Variants in FZR1 observed in about 807,000 individuals in gnomAD.
FZR1 encodes the protein fizzy-related protein homolog.
In FZR1, 11 loss-of-function variants were observed where a neutral mutation model predicts 63.6. The observed-to-expected ratio is 0.17, with a 90% CI of 0.11 to 0.29. The LOEUF is 0.29. FZR1 is among the 10% of genes least tolerant of loss of function. FZR1 has a pLI of 1.00. For synonymous variants in FZR1, 328 were observed against 297.9 expected (o/e 1.10, Z -1.04); for missense variants, 440 against 687.5 (o/e 0.64, Z 4.03).
Position 3,533,454 on chromosome 19 carries a change from G to A in FZR1, c.1347+56G>A, listed in dbSNP as rs2083267781. 2 of 1,059,344 alleles carry A rather than the reference G, an allele frequency of 1.9e-6. No individual in the cohort carries two copies. The highest frequency in any genetic ancestry group is 2.9e-6 in the Non-Finnish European group (2 of 679,656). The allele number at this position is 1,059,344 out of a possible 1,614,324, so 65.6% of individuals were successfully genotyped here. A position where few individuals can be genotyped will look rare whatever the true frequency, so the allele number is the denominator to read the frequency against. ...CCGGGATTCTGGACAAACTGCCATG[G>A]CCACCCCAGAGCACCCTGTCCTGTG... is the stretch of plus-strand genomic sequence containing the variant. On this transcript the variant is annotated intron_variant, in intron 12 of 13. Coordinates refer to ENST00000441788, the MANE Select transcript of FZR1 (RefSeq NM_016263.4). This position sits in a 1 kb window ranked among gnomAD's most constrained non-coding sequence, Gnocchi z 4.9.
At chr19:3,513,604 G>A (rs1480613230) in intron 1 of FZR1, among the ~76,000 whole-genome samples, 1 of 152,224 alleles carries the variant, frequency 6.6e-6, no homozygotes, top group Non-Finnish European at 1.5e-5. Flanking sequence ...AGCTGTGCCA[G>A]CTGGTAGGCA....
At chr19:3,531,114 C>A (rs1308409429) in intron 8 of FZR1, among the ~76,000 whole-genome samples, 1 of 152,144 alleles carries the variant, frequency 6.6e-6, no homozygotes, top group Non-Finnish European at 1.5e-5. Flanking sequence ...TTCCATGGGA[C>A]CTGCCCACCT....
intron 1 of FZR1, among the ~76,000 whole-genome samples, chr19:3,510,054 C>T (rs978004582): frequency 6.6e-6 from 1 of 152,102 alleles, no homozygotes; most frequent in Non-Finnish European, 1.5e-5. Flanking sequence ...TGCCTTCCAA[C>T]CTTTCCACCT....
intron 7 of FZR1, among the ~76,000 whole-genome samples, chr19:3,529,218 T>G (rs938019708): frequency 5.1e-3 from 225 of 44,412 alleles, no homozygotes; most frequent in Middle Eastern, 0.029. Flanking sequence ...GAGTGGATGG[T>G]TGAGCGGATG....
intron 1 of FZR1, among the ~76,000 whole-genome samples, chr19:3,513,188 C>T (rs1301528342): frequency 1.3e-5 from 2 of 152,088 alleles, no homozygotes; most frequent in South Asian, 2.1e-4. Context: ...GCCAGCCCAC[C>T]CCCTGGCTCT....
At chr19:3,531,643 C>T (rs2083248658) in intron 8 of FZR1, 71 bp from the exon 9 acceptor site, 12 of 1,091,560 alleles carry the variant, frequency 1.1e-5, no homozygotes, top group African/African-American at 1.6e-5. Context: ...CCTGGCGCGA[C>T]CAACGCCAGG....
rs758692262 is a variant in FZR1, at chr19:3,534,830, C to T, written c.1476C>T (p.Ile492=). 6.2e-7 allele frequency: 1 copy of T among 1,612,526 alleles called. No individual in the cohort carries two copies. The highest frequency in any genetic ancestry group is 8.5e-7 in the Non-Finnish European group (1 of 1,179,526). Reference sequence around the variant, plus strand: ...CTGTGCTCAACCTCTTCACCAGGATCCGGTAAACCTGCCGGGCAGGACCGT... The same window carrying T: ...CTGTGCTCAACCTCTTCACCAGGATTCGGTAAACCTGCCGGGCAGGACCGT... The part of the protein sequence containing the change: ...SVSVLNLFTR[I]R Residue 492 remains isoleucine (I), a synonymous_variant, in exon 14 of 14, where the codon ATC becomes ATT. Transcript: ENST00000441788.
chr19:3,523,224 C>T (rs527657539), intron 2 of FZR1, among the ~76,000 whole-genome samples, 166 bp downstream of exon 2: 9 of 152,322 alleles, frequency 5.9e-5, no homozygotes, highest in African/African-American at 2.2e-4. Context: ...GTCAGGGTTG[C>T]CGCCACCCCC....
At position 3,534,847 on chromosome 19, in the gene FZR1, C is replaced by A. The variant is rs773665587; in HGVS notation, c.*11C>A. Reference sequence around the variant, plus strand: ...ACCAGGATCCGGTAAACCTGCCGGGCAGGACCGTGCCACACCAGCTGTCCA... The same window carrying A: ...ACCAGGATCCGGTAAACCTGCCGGGAAGGACCGTGCCACACCAGCTGTCCA... On this transcript the variant is annotated 3_prime_UTR_variant, in exon 14 of 14. Coordinates refer to ENST00000441788, the MANE Select transcript of FZR1 (RefSeq NM_016263.4). The A allele has an allele frequency of 7.5e-6, 12 of 1,608,008 alleles. No individual in the cohort carries two copies. Among genetic ancestry groups the A allele is most frequent in the Non-Finnish European group, 1.0e-5 (12 of 1,175,720 alleles).
Position 3,525,699 on chromosome 19 carries a change from C to A in FZR1, c.70-169C>A, listed in dbSNP as rs1007260734. ...CCTCGTGATCCGCCCGCCTCGGCCT[C>A]CCAAAGTGCTGGGATTACGGGCGTG... On this transcript the variant is annotated intron_variant, in intron 2 of 13. Coordinates refer to ENST00000441788, the MANE Select transcript of FZR1 (RefSeq NM_016263.4). This position sits in a 1 kb window ranked among gnomAD's most constrained non-coding sequence, Gnocchi z 4.2. 2.0e-5 allele frequency among the ~76,000 whole-genome samples: 3 copies of A among 152,156 alleles called. No homozygotes were observed. The highest frequency in any genetic ancestry group is 4.4e-5 in the Non-Finnish European group (3 of 68,026).
In FZR1 at chr19:3,526,956, G is replaced by A; in HGVS notation, c.388-24G>A. The A allele has an allele frequency of 1.9e-6, 3 of 1,581,856 alleles. No individual in the cohort carries two copies. The highest frequency in any genetic ancestry group is 1.1e-5 in the South Asian group (1 of 90,544). The stretch of plus-strand genomic sequence containing the variant: ...GTCCTGCGGCCTGGGCGTGCGCTCA[G>A]CTGGCATGTCCCCCGCTCCACAGTA... On this transcript the variant is annotated intron_variant, in intron 5 of 13. Transcript: ENST00000441788. This position sits in a 1 kb window ranked among gnomAD's most constrained non-coding sequence, Gnocchi z 5.4.
chr19:3,509,406 C>T (rs911782206), intron 1 of FZR1, among the ~76,000 whole-genome samples: 3 of 152,258 alleles, frequency 2.0e-5, no homozygotes, highest in Non-Finnish European at 2.9e-5. Context: ...CTTCCTACTC[C>T]GTCTGGTTCT....
intron 1 of FZR1, among the ~76,000 whole-genome samples, chr19:3,520,857 A>G (rs966203647): frequency 1.4e-4 from 22 of 152,208 alleles, no homozygotes; most frequent in African/African-American, 5.1e-4. Flanking sequence ...GTCTGTCCCT[A>G]CCTGGTGACG....
chr19:3,531,659 C>A, intron 8 of FZR1, 55 bp from the exon 9 acceptor site: 1 of 1,296,380 alleles, frequency 7.7e-7, no homozygotes, highest in Non-Finnish European at 1.1e-6. Flanking sequence ...CCAGGACGGG[C>A]ACAGTCCCCG....
At chr19:3,512,452 C>T (rs185907993) in intron 1 of FZR1, among the ~76,000 whole-genome samples, 80 of 152,332 alleles carry the variant, frequency 5.3e-4, no homozygotes, top group African/African-American at 7.0e-4. Flanking sequence ...CCCAAAGCTT[C>T]GTGGCCAGGA....
chr19:3,532,170 T>TGGGCTG, intron 10 of FZR1, 75 bp downstream of exon 10: 1 of 1,376,368 alleles, frequency 7.3e-7, no homozygotes. Context: ...CGGAAGAGCC[T>TGGGCTG]GGGCTGGGGC....
rs1371759175 is a variant in FZR1 at position 3,531,750 on chromosome 19, G to A, written c.757G>A (p.Val253Met). 5.8e-6 allele frequency: 9 copies of A among 1,550,002 alleles called. No individual in the cohort carries two copies. The highest frequency in any genetic ancestry group is 2.7e-5 in the African/African-American group (2 of 73,124). ...LVAVGTHKGF[V>M]QIWDAAAGKK... ...GGCGGTGGGCACACACAAGGGCTTC[G>A]TGCAGATCTGGGACGCAGCCGCAGG... Residue 253 changes from valine (V) to methionine (M), a missense_variant, in exon 9 of 14, where the codon GTG (valine) becomes ATG (methionine). Val to Met is a conservative substitution (Grantham distance 21). Transcript: ENST00000441788.
rs1254552058 is a variant in FZR1 at position 3,526,094 on chromosome 19, CT to C, written c.196-25del. ...CGGGAACAAGCGGGCTCCTCGACCCCTCCCTCTCTGCTCTCCTGCCTGCAGG... is the reference window on the plus strand; with the variant it reads ...CGGGAACAAGCGGGCTCCTCGACCCCCCCTCTCTGCTCTCCTGCCTGCAGG... On this transcript the variant is annotated intron_variant, in intron 3 of 13. Transcript: ENST00000441788. This position sits in a 1 kb window ranked among gnomAD's most constrained non-coding sequence, Gnocchi z 5.4. 5 of 1,612,492 alleles carry C rather than the reference CT, an allele frequency of 3.1e-6. No individual in the cohort carries two copies. Among genetic ancestry groups the C allele is most frequent in the Middle Eastern group, 1.7e-4 (1 of 6,060 alleles).
chr19:3,532,337 C>T (rs2083256684), intron 10 of FZR1, 80 bp from the exon 11 acceptor site: 7 of 1,111,320 alleles, frequency 6.3e-6, no homozygotes, highest in Non-Finnish European at 7.6e-6. Flanking sequence ...GGTGCCAGGG[C>T]AGGTCGTCAC....
Sources: gnomAD v4.1 joint callset for allele counts (sites outside exome capture counted in the v4.1 genomes callset) on GRCh38, gnomAD v4.1.1 for gene constraint, Gnocchi (gnomAD v3.1) non-coding constraint, MANE v1.5 for transcripts, NCBI Gene and HGNC (gene_info 2026-07-23, HGNC 2026-07-21) for gene names.